Variants in EFNA5 observed in about 807,000 individuals in gnomAD.
EFNA5 encodes ephrin-A5.
EFNA5 carries 5 observed loss-of-function variants against 22.9 expected under a neutral mutation model. The ratio of observed to expected loss-of-function variants is 0.22; its 90% confidence interval spans 0.11 to 0.46. EFNA5 has a LOEUF of 0.46. EFNA5 is among the 20% of genes least tolerant of loss of function. The probability of loss-of-function intolerance (pLI) is 0.99; values close to 1 mark genes in which losing one functional copy is unlikely to be tolerated. For missense variants in EFNA5, 237 were observed against 293.3 expected, an observed-to-expected ratio of 0.81 and a Z score of 1.40; for synonymous variants, 113 against 112.2, an observed-to-expected ratio of 1.01 and a Z score of -0.04.
chr5:107,429,908 A>C (rs1471240595), intron 1 of EFNA5, among the ~76,000 whole-genome samples: 1 of 152,248 alleles, frequency 6.6e-6, no homozygotes, highest in Admixed American at 6.5e-5. Context: ...TAGAAATGTT[A>C]AATTCTGTCC....
intron 1 of EFNA5, among the ~76,000 whole-genome samples, chr5:107,457,186 TA>T (rs1238207089): frequency 5.9e-5 from 9 of 152,174 alleles, no homozygotes; most frequent in Admixed American, 4.6e-4. Flanking sequence ...CAAATGCTGT[TA>T]ATATACAACT....
intron 1 of EFNA5, among the ~76,000 whole-genome samples, chr5:107,439,731 T>C (rs1436291989): frequency 6.6e-6 from 1 of 152,226 alleles, no homozygotes; most frequent in African/African-American, 2.4e-5. Flanking sequence ...CAAAAACGAC[T>C]GTATTATCAC....
intron 1 of EFNA5, among the ~76,000 whole-genome samples, chr5:107,506,998 A>C (rs1160625522): frequency 6.6e-6 from 1 of 152,200 alleles, no homozygotes. Context: ...TAAGAATCTA[A>C]ATTTTTGAAA....
intron 1 of EFNA5, among the ~76,000 whole-genome samples, chr5:107,548,316 A>T (rs1392715243): frequency 6.6e-6 from 1 of 152,178 alleles, no homozygotes; most frequent in African/African-American, 2.4e-5. Flanking sequence ...TTTTAAAACA[A>T]TCTCTCCCCC....
intron 1 of EFNA5, among the ~76,000 whole-genome samples, chr5:107,652,155 A>T (rs1417508195): frequency 6.6e-6 from 1 of 152,002 alleles, no homozygotes; most frequent in East Asian, 1.9e-4. Flanking sequence ...TGACCAACCT[A>T]CCTCTTCAGC....
At chr5:107,471,886 T>C (rs1750150923) in intron 1 of EFNA5, among the ~76,000 whole-genome samples, 1 of 152,242 alleles carries the variant, frequency 6.6e-6, no homozygotes, top group Non-Finnish European at 1.5e-5. Context: ...ATTACATATG[T>C]AGTAGTTCTT....
chr5:107,482,791 G>T (rs1046175316), intron 1 of EFNA5, among the ~76,000 whole-genome samples: 3 of 140,724 alleles, frequency 2.1e-5, no homozygotes, highest in East Asian at 2.2e-4. Context: ...CTTTCTTTTT[G>T]GCTGCTCTCT....
At chr5:107,657,479 G>C (rs1344865994) in intron 1 of EFNA5, among the ~76,000 whole-genome samples, 2 of 151,966 alleles carry the variant, frequency 1.3e-5, no homozygotes, top group Admixed American at 6.6e-5. Context: ...AACTTACAAA[G>C]AAAACAGTAC....
At chr5:107,546,432 C>T (rs2112464613) in intron 1 of EFNA5, among the ~76,000 whole-genome samples, 1 of 152,330 alleles carries the variant, frequency 6.6e-6, no homozygotes, top group East Asian at 1.9e-4. Context: ...TCACCAAATG[C>T]TTCCAACAGG....
intron 1 of EFNA5, among the ~76,000 whole-genome samples, chr5:107,470,426 T>G (rs1750107679): frequency 6.6e-6 from 1 of 152,226 alleles, no homozygotes; most frequent in African/African-American, 2.4e-5. Flanking sequence ...TCTCCAATTA[T>G]CATATGCATG....
chr5:107,532,286 G>A (rs143788583), intron 1 of EFNA5, among the ~76,000 whole-genome samples: 22 of 152,344 alleles, frequency 1.4e-4, no homozygotes, highest in African/African-American at 4.1e-4. Flanking sequence ...GCTGGGAGAT[G>A]GGAGACATCT....
rs148423632 is a variant in EFNA5 at position 107,381,341 on chromosome 5, C to G, written c.601G>C (p.Gly201Arg). 1 of 1,613,958 alleles carries G rather than the reference C, an allele frequency of 6.2e-7. No homozygotes were observed. Among genetic ancestry groups the G allele is most frequent in the South Asian group, 1.1e-5 (1 of 91,072 alleles). The change falls in exon 5 of 5, where the codon GGC becomes CGC. Residue 201 changes from glycine to arginine, a missense_variant. Gly to Arg is a moderately radical substitution (Grantham distance 125). Transcript: ENST00000333274. Reference protein sequence around the residue: ...TVHESAEPSRGENAAQTPRIP... With the variant: ...TVHESAEPSRRENAAQTPRIP... ...CTTGGTGTTTGTGCCGCGTTCTCGC[C>G]GCGGGATGGCTCGGCTGACTCATGT...
chr5:107,498,550 T>G (rs1747049198), intron 1 of EFNA5, among the ~76,000 whole-genome samples: 1 of 152,236 alleles, frequency 6.6e-6, no homozygotes, highest in African/African-American at 2.4e-5. Context: ...GATATGCAGA[T>G]AGTGCCACAA....
intron 1 of EFNA5, among the ~76,000 whole-genome samples, chr5:107,608,482 T>G (rs1045743279): frequency 1.3e-5 from 2 of 152,256 alleles, no homozygotes; most frequent in Admixed American, 6.5e-5. Flanking sequence ...AAATGTTATG[T>G]CCCATGTAGA....
At chr5:107,546,460 T>C (rs1267035264) in intron 1 of EFNA5, among the ~76,000 whole-genome samples, 2 of 152,200 alleles carry the variant, frequency 1.3e-5, no homozygotes, top group African/African-American at 4.8e-5. Context: ...ATTCTGTATT[T>C]ATTTGCACAG....
intron 1 of EFNA5, among the ~76,000 whole-genome samples, chr5:107,436,870 G>C (rs990637577): frequency 5.9e-5 from 9 of 152,162 alleles, no homozygotes; most frequent in Non-Finnish European, 1.2e-4. Flanking sequence ...ATACAAAAGA[G>C]AGGAGAGTTA....
At chr5:107,398,537 T>C (rs1009800806) in intron 2 of EFNA5, among the ~76,000 whole-genome samples, 2 of 152,014 alleles carry the variant, frequency 1.3e-5, no homozygotes, top group Admixed American at 6.6e-5. Context: ...TGAAGAATTA[T>C]TGTAGGGATT....
Position 107,427,233 on chromosome 5 carries a change from T to G in EFNA5, c.402A>C (p.Arg134=). The G allele has an allele frequency of 6.2e-7, 1 of 1,614,098 alleles. No homozygotes were observed. Among genetic ancestry groups the G allele is most frequent in the Non-Finnish European group, 8.5e-7 (1 of 1,179,992 alleles). The part of the protein sequence containing the change: ...FSLGFEFRPG[R]EYFYISSAIP... ...TATACTCACAGATGTAGAAATATTC[T>G]CGGCCTGGCCTGAATTCAAATCCTA... The change falls in exon 2 of 5, where the codon CGA becomes CGC. Residue 134 remains arginine, a synonymous_variant. Transcript: ENST00000333274.
intron 1 of EFNA5, among the ~76,000 whole-genome samples, chr5:107,527,290 C>T (rs1252479841): frequency 1.4e-5 from 2 of 142,406 alleles, no homozygotes; most frequent in African/African-American, 2.6e-5. Flanking sequence ...TTTCTTTTTT[C>T]TTTTTTTTTT....
Sources: allele counts gnomAD v4.1 joint callset (sites outside exome capture counted in the v4.1 genomes callset), GRCh38; gene constraint gnomAD v4.1.1; transcripts MANE v1.5; gene names NCBI Gene and HGNC (gene_info 2026-07-23, HGNC 2026-07-21).